The following MTHFSD variants were observed in gnomAD, a reference collection of about 807,000 sequenced individuals.
The protein encoded by MTHFSD is methenyltetrahydrofolate synthetase domain containing, also known as methenyltetrahydrofolate synthase domain-containing protein.
In MTHFSD, 37 loss-of-function variants were observed where a neutral mutation model predicts 31.1. The observed-to-expected ratio is 1.19, with a 90% CI of 0.91 to 1.56. MTHFSD has a LOEUF of 1.56. MTHFSD is among the 40% of genes most tolerant of loss of function. The pLI is 0.00. For missense variants in MTHFSD, 664 were observed against 510.1 expected (o/e 1.30, Z -2.91); for synonymous variants, 221 against 206.9 (o/e 1.07, Z -0.59).
intron 7 of MTHFSD, among the ~76,000 whole-genome samples, chr16:86,538,792 G>A (rs1971072565): frequency 6.6e-6 from 1 of 152,204 alleles, no homozygotes; most frequent in African/African-American, 2.4e-5. Context: ...GATCCTTGGT[G>A]TAGCTAGGGG....
rs1972351205 is a variant in MTHFSD at position 86,546,613 on chromosome 16, AG to A, written c.387del (p.Ser130ProfsTer7). 1 of 1,613,892 alleles carries A rather than the reference AG, an allele frequency of 6.2e-7. No homozygotes were observed. The highest frequency in any genetic ancestry group is 1.7e-5 in the Admixed American group (1 of 60,012). On this transcript the variant is annotated frameshift_variant, in exon 5 of 8. Transcript: ENST00000360900. LOFTEE classifies it high-confidence loss of function. ...VRNYSVPIGL[D>X]SRVLVDLVVV... Reference sequence around the variant, plus strand: ...ACAACTAAATCCACGAGGACTCTGGAGTCCAAGCCTATGGGGACACTGTAGT... The same window carrying A: ...ACAACTAAATCCACGAGGACTCTGGATCCAAGCCTATGGGGACACTGTAGT...
In MTHFSD at chr16:86,552,118, T is replaced by C. The variant is rs1449487445; in HGVS notation, c.152A>G (p.Lys51Arg). 6.2e-7 allele frequency: 1 copy of C among 1,614,178 alleles called. No individual in the cohort carries two copies. Among genetic ancestry groups the C allele is most frequent in the Admixed American group, 1.7e-5 (1 of 60,024 alleles). ...KGSYLACQNI[K>R]DLDVFARTQE... ...TGTTCTGGCAAAAACGTCTAGGTCT[T>C]TGATGTTTTGGCAAGCCAGATAAGA... is the stretch of plus-strand genomic sequence containing the variant. Residue 51 changes from lysine (K) to arginine (R), a missense_variant, in exon 3 of 8, where the codon AAA (lysine) becomes AGA (arginine). Transcript: ENST00000360900.
intron 6 of MTHFSD, 114 bp downstream of exon 6, chr16:86,541,987 T>C (rs1971593462): frequency 1.5e-6 from 2 of 1,329,942 alleles, no homozygotes; most frequent in Admixed American, 1.9e-5. Context: ...CCCTGGCTGA[T>C]CCACACCACT....
In MTHFSD at chr16:86,541,923, C is replaced by A. The variant is rs1384654831; in HGVS notation, c.556-101G>T. ...AACGTGAGGCTGGCTAGAGAAGCAC[C>A]CCCAAATCCACTCTGGGGCTAAGGC... is the stretch of plus-strand genomic sequence containing the variant. On this transcript the variant is annotated intron_variant, in intron 6 of 7. Coordinates refer to ENST00000360900, the MANE Select transcript of MTHFSD (RefSeq NM_001159377.2). 1.5e-5 allele frequency: 23 copies of A among 1,515,920 alleles called. 1 individual carries two copies. The highest frequency in any genetic ancestry group is 2.1e-5 in the Non-Finnish European group (23 of 1,110,014). The allele number at this position is 1,515,920 out of a possible 1,614,324, so 93.9% of individuals were successfully genotyped here. A position where few individuals can be genotyped will look rare whatever the true frequency, so the allele number is the denominator to read the frequency against.
At position 86,532,316 on chromosome 16, in the gene MTHFSD, G is replaced by T. The variant is rs1037059226; in HGVS notation, c.847C>A (p.Pro283Thr). The T allele has an allele frequency of 1.9e-6, 3 of 1,593,458 alleles. No individual in the cohort carries two copies. The change falls in exon 8 of 8, where the codon CCC (proline) becomes ACC (threonine). Residue 283 changes from proline (P) to threonine (T), a missense_variant. Coordinates refer to ENST00000360900, the MANE Select transcript of MTHFSD (RefSeq NM_001159377.2). ...TCCATGGAATTGGTTTCTGGTCCGG[G>T]TGTGTCCGGGGGCCTCCTGCCAACA... is the stretch of plus-strand genomic sequence containing the variant. ...LSVGRRPPDT[P>T]GPETNSMEAA...
At position 86,532,043 on chromosome 16, in the gene MTHFSD, C is replaced by A; in HGVS notation, c.1120G>T (p.Val374Leu). The A allele has an allele frequency of 6.7e-7, 1 of 1,500,624 alleles. No homozygotes were observed. Among genetic ancestry groups the A allele is most frequent in the Non-Finnish European group, 8.9e-7 (1 of 1,128,706 alleles). The allele number at this position is 1,500,624 out of a possible 1,614,324, so 93.0% of individuals were successfully genotyped here. A position where few individuals can be genotyped will look rare whatever the true frequency, so the allele number is the denominator to read the frequency against. Residue 374 changes from valine (V) to leucine (L), a missense_variant, in exon 8 of 8, where the codon GTG (valine) becomes TTG (leucine). Val to Leu is a conservative substitution (Grantham distance 32). Transcript: ENST00000360900. The part of the protein sequence containing the change: ...GLRLGTDTLR[V>L]ALARQQRDK ...TCCCTCTGCTGCCTGGCCAGCGCCA[C>A]CCTCAGGGTGTCGGTGCCCAGGCGC...
chr16:86,535,437 C>T lies in MTHFSD; in HGVS notation c.682-2956G>A, dbSNP rs370900990. On this transcript the variant is annotated intron_variant, in intron 7 of 7. Coordinates refer to ENST00000360900, the MANE Select transcript of MTHFSD (RefSeq NM_001159377.2). ...TGTGCCAGCCAGCAGGGTGTCTGGA[C>T]GTCATGGTTGGGATGAGTGCATGGC... 42 of 985,390 alleles carry T rather than the reference C, an allele frequency of 4.3e-5. 1 individual carries two copies. In the East Asian group the frequency reaches 6.8e-4, roughly 16 times the overall value. 61.0% of individuals were successfully genotyped at this position (985,390 alleles called of 1,614,324 possible).
At chr16:86,535,668 G>A (rs946571929) in intron 7 of MTHFSD, among the ~76,000 whole-genome samples, 1 of 151,928 alleles carries the variant, frequency 6.6e-6, no homozygotes, top group African/African-American at 2.4e-5. Context: ...ATACGAATCC[G>A]AAATCTGACT....
At chr16:86,555,029 G>A (rs1597395568) in intron 1 of MTHFSD, 140 bp downstream of exon 1, 3 of 1,442,034 alleles carry the variant, frequency 2.1e-6, no homozygotes, top group African/African-American at 1.4e-5. Context: ...ACCCAGCACA[G>A]ACCCCCTCTG....
rs3751802 is a variant in MTHFSD at position 86,532,276 on chromosome 16, G to C, written c.887C>G (p.Ser296Cys). 0.16 allele frequency: 251,704 copies of C among 1,562,934 alleles called. 23,938 individuals are homozygous for C. Among genetic ancestry groups the C allele is most frequent in the Admixed American group, 0.37 (18,869 of 50,608 alleles). Reference sequence around the variant, plus strand: ...AAGCGGGGCACCCTCCCCTGGTGGGGAGCCAGGGGCTGCCTCCATGGAATT... The same window carrying C: ...AAGCGGGGCACCCTCCCCTGGTGGGCAGCCAGGGGCTGCCTCCATGGAATT... ...ETNSMEAAPG[S>C]PPGEGAPLAA... The change falls in exon 8 of 8, where the codon TCC becomes TGC. Residue 296 changes from serine to cysteine, a missense_variant. Coordinates refer to ENST00000360900, the MANE Select transcript of MTHFSD (RefSeq NM_001159377.2).
chr16:86,543,273 C>T (rs567137536), intron 5 of MTHFSD, among the ~76,000 whole-genome samples: 2 of 152,290 alleles, frequency 1.3e-5, no homozygotes, highest in East Asian at 1.9e-4. Flanking sequence ...AACAAGGAAG[C>T]GGGAAAAGAG....
At chr16:86,548,976 T>A (rs1305906088) in intron 3 of MTHFSD, among the ~76,000 whole-genome samples, 1 of 152,240 alleles carries the variant, frequency 6.6e-6, no homozygotes, top group Non-Finnish European at 1.5e-5. Flanking sequence ...AATGCTGTCA[T>A]TAGAAACTGG....
chr16:86,548,238 C>T, intron 4 of MTHFSD: 1 of 967,492 alleles, frequency 1.0e-6, no homozygotes, highest in South Asian at 1.6e-5. Context: ...TATAATTTGC[C>T]AATTTCGTGC....
intron 7 of MTHFSD, among the ~76,000 whole-genome samples, chr16:86,537,936 C>T (rs995589977): frequency 1.3e-5 from 2 of 152,210 alleles, no homozygotes; most frequent in African/African-American, 4.8e-5. Flanking sequence ...CTATGGTGTC[C>T]TCGCCAACCC....
chr16:86,550,108 T>C (rs1475077561), intron 3 of MTHFSD, among the ~76,000 whole-genome samples: 1 of 152,254 alleles, frequency 6.6e-6, no homozygotes, highest in Non-Finnish European at 1.5e-5. Flanking sequence ...GGCCTGAGGC[T>C]GTGCATGTCA....
chr16:86,541,034 G>C (rs550085547), intron 7 of MTHFSD: 1 of 1,187,294 alleles, frequency 8.4e-7, no homozygotes, highest in Non-Finnish European at 1.1e-6. Flanking sequence ...TGGGAGACGT[G>C]GACACGTATG....
At chr16:86,549,025 T>C (rs1003534466) in intron 3 of MTHFSD, among the ~76,000 whole-genome samples, 1 of 152,256 alleles carries the variant, frequency 6.6e-6, no homozygotes, top group African/African-American at 2.4e-5. Context: ...CATTTCTATC[T>C]AGTTTGACTG....
At chr16:86,541,903 G>A in intron 6 of MTHFSD, 81 bp from the exon 7 acceptor site, 1 of 1,575,088 alleles carries the variant, frequency 6.3e-7, no homozygotes, top group Non-Finnish European at 8.7e-7. Flanking sequence ...GTGGGAACGT[G>A]AGGCTGGCTA....
At position 86,550,021 on chromosome 16, in the gene MTHFSD, G is replaced by T. The variant is rs946399070; in HGVS notation, c.238-1444C>A. The stretch of plus-strand genomic sequence containing the variant: ...TCAGACACTGGCCACTGTGCCTGTA[G>T]CTGTGGCTTGAGGTTGTGCGTGCCC... On this transcript the variant is annotated intron_variant, in intron 3 of 7. Transcript: ENST00000360900. Among the ~76,000 whole-genome samples, 4 of 152,094 alleles carry T rather than the reference G, an allele frequency of 2.6e-5. No homozygotes were observed. In the East Asian group the frequency reaches 7.7e-4, roughly 29 times the overall value.
Sources: gnomAD v4.1 joint callset for allele counts (sites outside exome capture counted in the v4.1 genomes callset) on GRCh38, gnomAD v4.1.1 for gene constraint, MANE v1.5 for transcripts, NCBI Gene and HGNC (gene_info 2026-07-23, HGNC 2026-07-21) for gene names.